Variants in MYH13 observed in about 807,000 individuals in gnomAD.
The protein encoded by MYH13 is myosin-13.
MYH13 carries 177 observed loss-of-function variants against 232.1 expected under a neutral mutation model. That is an observed-to-expected ratio of 0.76 (90% CI 0.67 to 0.86). The LOEUF (loss-of-function observed/expected upper bound fraction) is 0.86, where lower values mean the gene tolerates loss of function less well. Ranked by LOEUF, MYH13 falls within the 40% of genes least tolerant of loss-of-function variation. The probability of loss-of-function intolerance (pLI) is 0.00; values close to 1 mark genes in which losing one functional copy is unlikely to be tolerated. For synonymous variants in MYH13, 884 were observed against 923.5 expected, an observed-to-expected ratio of 0.96 and a Z score of 0.78; for missense variants, 2,246 against 2,405.9, an observed-to-expected ratio of 0.93 and a Z score of 1.39.
chr17:10,322,773 A>G (rs906600490), intron 23 of MYH13, among the ~76,000 whole-genome samples: 16 of 151,698 alleles, frequency 1.1e-4, no homozygotes, highest in Non-Finnish European at 2.2e-4. Context: ...AGCTGGGACT[A>G]CAGGCGTCCG....
intron 33 of MYH13, among the ~76,000 whole-genome samples, 167 bp downstream of exon 33, chr17:10,310,936 G>A (rs1197665662): frequency 6.6e-6 from 1 of 152,186 alleles, no homozygotes; most frequent in East Asian, 1.9e-4. Flanking sequence ...ACGCCTAGGA[G>A]ATAAAGTAGC....
rs1239888821 is a variant in MYH13, at chr17:10,362,485, C to T, written c.223G>A (p.Asp75Asn). The change falls in exon 4 of 41, where the codon GAC becomes AAC. Residue 75 changes from aspartate to asparagine, a missense_variant. Physicochemically the swap from Asp to Asn is conservative, Grantham distance 23. Coordinates refer to ENST00000252172, the MANE Select transcript of MYH13 (RefSeq NM_003802.3). The part of the protein sequence containing the change: ...LDDRMLTLNN[D>N]QVFPMNPPKF... Reference sequence around the variant, plus strand: ...GGAGGGTTCATGGGGAAGACCTGGTCATTGTTCAGAGTGAGCATCTGGGTA... The same window carrying T: ...GGAGGGTTCATGGGGAAGACCTGGTTATTGTTCAGAGTGAGCATCTGGGTA... The T allele has an allele frequency of 6.2e-7, 1 of 1,614,080 alleles. No individual in the cohort carries two copies. The highest frequency in any genetic ancestry group is 1.7e-5 in the Admixed American group (1 of 60,018).
At chr17:10,348,466 C>T (rs996191303) in intron 12 of MYH13, among the ~76,000 whole-genome samples, 7 of 152,182 alleles carry the variant, frequency 4.6e-5, no homozygotes, top group South Asian at 2.1e-4. Flanking sequence ...ATACGGTTGT[C>T]GTGAAGCATG....
At chr17:10,309,137 G>C in intron 35 of MYH13, 97 bp downstream of exon 35, 1 of 1,272,676 alleles carries the variant, frequency 7.9e-7, no homozygotes, top group East Asian at 2.5e-5. Flanking sequence ...CCACGGCGTG[G>C]GCCCTGAGTG....
intron 13 of MYH13, 65 bp downstream of exon 13, chr17:10,346,615 G>T: frequency 1.6e-6 from 2 of 1,280,290 alleles, no homozygotes; most frequent in South Asian, 1.3e-5. Flanking sequence ...AACTGAAGGA[G>T]CTTTAAGATA....
intron 16 of MYH13, 96 bp from the exon 17 acceptor site, chr17:10,340,497 C>T: frequency 3.3e-6 from 3 of 905,970 alleles, no homozygotes; most frequent in Non-Finnish European, 5.1e-6. Flanking sequence ...GTTCTGGTTT[C>T]CTTTTGACAT....
intron 13 of MYH13, among the ~76,000 whole-genome samples, chr17:10,345,991 C>CAAAAAAAAAAA (rs1211414796): frequency 1.1e-4 from 9 of 83,050 alleles, no homozygotes; most frequent in South Asian, 5.3e-4. Context: ...GACTCTGTCT[C>CAAAAAAAAAAA]AAAAAAAAAA....
rs1051512607 is a variant in MYH13, at chr17:10,320,595, C to T, written c.3112-99G>A. On this transcript the variant is annotated intron_variant, in intron 24 of 40. Transcript: ENST00000252172. ...ACACGTGGCCTGGGGCTTCCTGGGG[C>T]TCCTGTAGGGTGCTGGCTGCAAGCC... 5 of 1,355,590 alleles carry T rather than the reference C, an allele frequency of 3.7e-6. No individual in the cohort carries two copies. In the African/African-American group the frequency reaches 5.9e-5, roughly 16 times the overall value. 84.0% of individuals were successfully genotyped at this position (1,355,590 alleles called of 1,614,324 possible).
chr17:10,320,297 G>A (rs1906890229), intron 25 of MYH13, 54 bp from the exon 26 acceptor site: 1 of 1,605,608 alleles, frequency 6.2e-7, no homozygotes, highest in Admixed American at 1.7e-5. Context: ...CTCTTGGAGG[G>A]GGTGAAAGTT....
chr17:10,324,292 T>G, intron 22 of MYH13, 28 bp from the exon 23 acceptor site: 1 of 1,610,342 alleles, frequency 6.2e-7, no homozygotes. Flanking sequence ...TTTTATGTTT[T>G]GATTGGCCTC....
intron 11 of MYH13, among the ~76,000 whole-genome samples, chr17:10,351,616 T>C (rs990260796): frequency 1.3e-5 from 2 of 152,146 alleles, no homozygotes; most frequent in African/African-American, 4.8e-5. Context: ...GATTTCTGGA[T>C]GAAGAATTGA....
Position 10,300,915 on chromosome 17 carries a change from C to A in MYH13, c.*36G>T. ...CTCACACATTTTCCCTCCACTCTCT[C>A]GGAGGTGTCCCATGGCAACGAGCAT... On this transcript the variant is annotated 3_prime_UTR_variant, in exon 41 of 41. Coordinates refer to ENST00000252172, the MANE Select transcript of MYH13 (RefSeq NM_003802.3). 1 of 1,607,780 alleles carries A rather than the reference C, an allele frequency of 6.2e-7. No individual in the cohort carries two copies. The highest frequency in any genetic ancestry group is 1.1e-5 in the South Asian group (1 of 90,800).
At chr17:10,319,242 G>T in intron 26 of MYH13, 63 bp from the exon 27 acceptor site, 4 of 1,525,548 alleles carry the variant, frequency 2.6e-6, no homozygotes, top group Admixed American at 2.1e-5. Flanking sequence ...TTTGAGAGGG[G>T]CTGGGTGTTG....
chr17:10,344,496 C>T (rs929370506), intron 15 of MYH13, among the ~76,000 whole-genome samples: 9 of 151,960 alleles, frequency 5.9e-5, no homozygotes, highest in African/African-American at 2.2e-4. Context: ...ATGAGCAGTG[C>T]TCAAATATTA....
chr17:10,335,066 A>C (rs1293717380), intron 18 of MYH13, among the ~76,000 whole-genome samples: 2 of 152,072 alleles, frequency 1.3e-5, no homozygotes, highest in East Asian at 3.9e-4. Flanking sequence ...CAATTTCTTT[A>C]TTTGTAAAAT....
intron 12 of MYH13, among the ~76,000 whole-genome samples, chr17:10,347,653 G>T (rs1416880373): frequency 6.6e-6 from 1 of 151,170 alleles, no homozygotes; most frequent in Non-Finnish European, 1.5e-5. Context: ...AGAAGGACCT[G>T]GGGGCCTGCA....
Position 10,311,211 on chromosome 17 carries a change from T to C in MYH13, c.4548A>G (p.Leu1516=), listed in dbSNP as rs542325011. The part of the protein sequence containing the change: ...NKNLQEEISD[L]TEQIAETGKN... Reference sequence around the variant, plus strand: ...TGCCAGTTTCTGCAATCTGCTCAGTTAAGTCGGAAATCTCTTCTGCAAAGG... The same window carrying C: ...TGCCAGTTTCTGCAATCTGCTCAGTCAAGTCGGAAATCTCTTCTGCAAAGG... The change falls in exon 33 of 41, where the codon TTA becomes TTG. Residue 1516 remains leucine (L), a synonymous_variant. Coordinates refer to ENST00000252172, the MANE Select transcript of MYH13 (RefSeq NM_003802.3). 5.0e-6 allele frequency: 8 copies of C among 1,614,042 alleles called. No individual in the cohort carries two copies. The African/African-American group carries it at 9.3e-5, about 19-fold the overall frequency.
Position 10,324,176 on chromosome 17 carries a change from G to A in MYH13, c.2780C>T (p.Thr927Met), listed in dbSNP as rs768267700. Residue 927 changes from threonine to methionine, a missense_variant, in exon 23 of 41, where the codon ACG (threonine) becomes ATG (methionine). Coordinates refer to ENST00000252172, the MANE Select transcript of MYH13 (RefSeq NM_003802.3). Reference protein sequence around the residue: ...ILLEAKVKELTERLEEEEEMN... With the variant: ...ILLEAKVKELMERLEEEEEMN... ...CTCCTCTTCCTCTTCCAATCTCTCCGTCAGCTCCTTGACTTTTGCTTCCAG... is the reference window on the plus strand; with the variant it reads ...CTCCTCTTCCTCTTCCAATCTCTCCATCAGCTCCTTGACTTTTGCTTCCAG... The A allele has an allele frequency of 1.9e-5, 31 of 1,613,724 alleles. No homozygotes were observed. Among genetic ancestry groups the A allele is most frequent in the African/African-American group, 4.0e-5 (3 of 74,940 alleles).
In MYH13 at chr17:10,312,088, C is replaced by A. The variant is rs781238902; in HGVS notation, c.4366-12G>T. On this transcript the variant is annotated splice_polypyrimidine_tract_variant and intron_variant, in intron 31 of 40. Transcript: ENST00000252172. ...CACTCTGCAAGGACCTGGGAGATGA[C>A]AAAGGGACATGGGAGAAGCAGAAAG... The A allele has an allele frequency of 9.9e-6, 16 of 1,613,012 alleles. No homozygotes were observed. In the South Asian group the frequency reaches 1.6e-4, roughly 17 times the overall value.
Sources: gnomAD v4.1 joint callset for allele counts (sites outside exome capture counted in the v4.1 genomes callset) on GRCh38, gnomAD v4.1.1 for gene constraint, MANE v1.5 for transcripts, NCBI Gene and HGNC (gene_info 2026-07-23, HGNC 2026-07-21) for gene names.